The following FOXP2 variants were observed in gnomAD, a reference collection of about 807,000 sequenced individuals.
The protein encoded by FOXP2 is forkhead box protein P2.
A neutral mutation model predicts 115.8 loss-of-function variants in FOXP2; 12 were observed. The ratio of observed to expected loss-of-function variants is 0.10; its 90% confidence interval spans 0.07 to 0.17. The LOEUF (loss-of-function observed/expected upper bound fraction) is 0.17. Among genes scored for constraint, FOXP2 ranks in the 10% least tolerant of loss-of-function variants. The pLI is 1.00. For missense variants in FOXP2, 629 were observed against 843.5 expected (o/e 0.75, Z 3.15); for synonymous variants, 328 against 297.7 (o/e 1.10, Z -1.05).
At chr7:114,095,736 C>G (rs10232421) in intron 1 of FOXP2, among the ~76,000 whole-genome samples, 1 of 152,118 alleles carries the variant, frequency 6.6e-6, no homozygotes, top group Non-Finnish European at 1.5e-5. Context: ...TGGCACCAGT[C>G]GAGAAATCAA....
At chr7:114,284,879 A>G (rs75901808) in intron 1 of FOXP2, among the ~76,000 whole-genome samples, 10,821 of 152,254 alleles carry the variant, frequency 0.071, 521 homozygotes, top group East Asian at 0.14. Context: ...ACTTTGCAGG[A>G]ACAGGGATGG....
intron 2 of FOXP2, among the ~76,000 whole-genome samples, chr7:114,362,422 A>G (rs1013725368): frequency 1.3e-5 from 2 of 152,086 alleles, no homozygotes; most frequent in Non-Finnish European, 2.9e-5. Flanking sequence ...ACAAAAAGCA[A>G]AAAACAAAAA....
At chr7:114,304,967 T>G (rs1796977833) in intron 2 of FOXP2, among the ~76,000 whole-genome samples, 1 of 152,146 alleles carries the variant, frequency 6.6e-6, no homozygotes, top group Non-Finnish European at 1.5e-5. Flanking sequence ...ATCATATATT[T>G]TGTCATTAAA....
intron 1 of FOXP2, among the ~76,000 whole-genome samples, chr7:114,192,085 G>A (rs1793775144): frequency 6.6e-6 from 1 of 151,768 alleles, no homozygotes; most frequent in Non-Finnish European, 1.5e-5. Context: ...CTACAGGCAT[G>A]CACCACCACA....
intron 3 of FOXP2, among the ~76,000 whole-genome samples, chr7:114,618,069 C>T (rs182150057): frequency 3.3e-5 from 5 of 152,264 alleles, no homozygotes. Context: ...TCTCAAAATC[C>T]TTTTCTGATT....
chr7:114,647,360 A>G (rs930264794), intron 8 of FOXP2, among the ~76,000 whole-genome samples: 1 of 151,302 alleles, frequency 6.6e-6, no homozygotes, highest in African/African-American at 2.4e-5. Flanking sequence ...ATATATATGT[A>G]CCTGTATATT....
intron 2 of FOXP2, among the ~76,000 whole-genome samples, chr7:114,339,195 T>C (rs927017341): frequency 1.3e-5 from 2 of 151,240 alleles, no homozygotes; most frequent in Admixed American, 1.3e-4. Context: ...TTCTGTTTTA[T>C]GAATGTTGTG....
chr7:114,327,783 AGCCACTGCGCCTG>A (rs569760973), intron 2 of FOXP2, among the ~76,000 whole-genome samples: 390 of 151,314 alleles, frequency 2.6e-3, no homozygotes, highest in African/African-American at 9.2e-3. Context: ...TACAGGTGTG[AGCCACTGCGCCTG>A]GCCTCTTTTG....
At chr7:114,654,541 T>C (rs965726001) in intron 10 of FOXP2, among the ~76,000 whole-genome samples, 3 of 152,186 alleles carry the variant, frequency 2.0e-5, no homozygotes, top group Non-Finnish European at 4.4e-5. Context: ...TTGTACATTA[T>C]ACATAATGTT....
intron 1 of FOXP2, among the ~76,000 whole-genome samples, chr7:114,272,463 C>A (rs1376243546): frequency 1.3e-5 from 2 of 151,794 alleles, no homozygotes; most frequent in Non-Finnish European, 2.9e-5. Context: ...GGTATAATTT[C>A]TTCCTTAAAA....
At position 114,202,299 on chromosome 7, in the gene FOXP2, T is replaced by C. The variant is rs78733253; in HGVS notation, c.-102+39211T>C. ...TCTCTGTATGTTCCTGTAAGAAATA[T>C]TTATTTAGTTCCTTCTATGTGCAAG... On this transcript the variant is annotated intron_variant, in intron 1 of 17. Coordinates refer to the FOXP2 transcript ENST00000634411. Among the ~76,000 whole-genome samples, 1,400 of 152,346 alleles carry C rather than the reference T, an allele frequency of 9.2e-3. 13 individuals carry two copies. The highest frequency in any genetic ancestry group is 0.032 in the African/African-American group (1,333 of 41,570).
At chr7:114,491,070 G>T (rs1797026196) in intron 2 of FOXP2, among the ~76,000 whole-genome samples, 1 of 152,134 alleles carries the variant, frequency 6.6e-6, no homozygotes, top group South Asian at 2.1e-4. Context: ...AGATCCCTGA[G>T]GAATCGCCAC....
At chr7:114,342,064 T>C (rs1239091673) in intron 2 of FOXP2, among the ~76,000 whole-genome samples, 1 of 151,398 alleles carries the variant, frequency 6.6e-6, no homozygotes, top group Non-Finnish European at 1.5e-5. Context: ...CCAAAGGCTT[T>C]AAATAAGTGT....
At chr7:114,541,360 C>T (rs183771200) in intron 3 of FOXP2, among the ~76,000 whole-genome samples, 262 of 152,004 alleles carry the variant, frequency 1.7e-3, no homozygotes, top group African/African-American at 6.1e-3. Flanking sequence ...GCAGAAGAGA[C>T]AAGAGGGGAC....
At chr7:114,422,955 A>G (rs1322190449) in intron 1 of FOXP2, among the ~76,000 whole-genome samples, 1 of 151,762 alleles carries the variant, frequency 6.6e-6, no homozygotes, top group Non-Finnish European at 1.5e-5. Flanking sequence ...TACAAATAAA[A>G]GACTACATCT....
chr7:114,561,813 A>T (rs535867276), intron 3 of FOXP2, among the ~76,000 whole-genome samples: 1 of 152,052 alleles, frequency 6.6e-6, no homozygotes. Context: ...TTTTTGAGAC[A>T]TGGTCTTTCT....
chr7:114,289,567 A>T lies in FOXP2; in HGVS notation c.-11+1458A>T, dbSNP rs150754359. Among the ~76,000 whole-genome samples the T allele has an allele frequency of 3.4e-3, 522 of 151,956 alleles. 1 individual carries two copies. Among genetic ancestry groups the T allele is most frequent in the Non-Finnish European group, 5.4e-3 (366 of 67,816 alleles). The stretch of plus-strand genomic sequence containing the variant: ...TGTTTATTTGTATCATAGCAGATGG[A>T]GTTTAGATTTATAATAAGCAGGAAT... On this transcript the variant is annotated intron_variant, in intron 2 of 17. Transcript: ENST00000634411.
chr7:114,087,977 C>T (rs1019409033), intron 1 of FOXP2: 3 of 152,082 alleles, frequency 2.0e-5, no homozygotes, highest in South Asian at 4.1e-4. Flanking sequence ...GAGAGGTCGA[C>T]CTGGCCACCG....
At chr7:114,302,390 T>C (rs1796899801) in intron 2 of FOXP2, among the ~76,000 whole-genome samples, 1 of 152,184 alleles carries the variant, frequency 6.6e-6, no homozygotes, top group Admixed American at 6.6e-5. Flanking sequence ...TGGAAGTTCC[T>C]AGTTGCTTCA....
Sources: gnomAD v4.1 joint callset for allele counts (sites outside exome capture counted in the v4.1 genomes callset) on GRCh38, gnomAD v4.1.1 for gene constraint, MANE v1.5 for transcripts, NCBI Gene and HGNC (gene_info 2026-07-23, HGNC 2026-07-21) for gene names.